Variants in CNTN4 observed in about 807,000 individuals in gnomAD.
CNTN4 encodes the protein contactin-4.
CNTN4 carries 77 observed loss-of-function variants against 122.5 expected under a neutral mutation model. The observed-to-expected ratio is 0.63, with a 90% CI of 0.52 to 0.76. The LOEUF (loss-of-function observed/expected upper bound fraction) is 0.76, where lower values mean the gene tolerates loss of function less well. CNTN4 is among the 30% of genes least tolerant of loss of function. The probability of loss-of-function intolerance (pLI) is 0.00; values close to 1 mark genes in which losing one functional copy is unlikely to be tolerated. For missense variants in CNTN4, 1,256 were observed against 1,259.1 expected (o/e 1.00, Z 0.04); for synonymous variants, 512 against 447.0 (o/e 1.15, Z -1.83).
chr3:3,016,258 G>A (rs955751059), intron 14 of CNTN4, among the ~76,000 whole-genome samples: 1 of 151,938 alleles, frequency 6.6e-6, no homozygotes, highest in African/African-American at 2.4e-5. Context: ...CATTTCTTTT[G>A]AATCGTAAAG....
intron 14 of CNTN4, among the ~76,000 whole-genome samples, chr3:3,021,195 A>T (rs1698260989): frequency 1.3e-5 from 2 of 152,158 alleles, no homozygotes; most frequent in African/African-American, 4.8e-5. Flanking sequence ...AATCACTATG[A>T]ATTTTGATTC....
chr3:2,945,573 A>G (rs1469386865), intron 13 of CNTN4, among the ~76,000 whole-genome samples: 1 of 152,138 alleles, frequency 6.6e-6, no homozygotes, highest in Non-Finnish European at 1.5e-5. Flanking sequence ...CTTTTTGTCA[A>G]AGATTGTCAG....
rs553135401 is a variant in CNTN4, at chr3:2,559,119, A to T, written c.-88-12297A>T. ...TGGATAACCACCCATTGATAAGGAC[A>T]ATAAATAACTTTTTAAAAACTGTCA... is the stretch of plus-strand genomic sequence containing the variant. On this transcript the variant is annotated intron_variant, in intron 3 of 24. Coordinates refer to ENST00000418658, the MANE Select transcript of CNTN4 (RefSeq NM_175607.3). Among the ~76,000 whole-genome samples the T allele has an allele frequency of 2.0e-5, 3 of 152,326 alleles. No individual in the cohort carries two copies. The South Asian group carries it at 6.2e-4, about 32-fold the overall frequency.
chr3:2,102,411 G>C (rs2032052666), intron 2 of CNTN4, among the ~76,000 whole-genome samples: 1 of 152,192 alleles, frequency 6.6e-6, no homozygotes, highest in Admixed American at 6.5e-5. Flanking sequence ...TTAAACATGA[G>C]AGCATGAGTC....
chr3:2,214,004 C>T (rs2149453764), intron 2 of CNTN4, among the ~76,000 whole-genome samples: 1 of 152,230 alleles, frequency 6.6e-6, no homozygotes, highest in East Asian at 1.9e-4. Flanking sequence ...TGCATCATGT[C>T]ATCTAGTGGA....
rs903010363 is a variant in CNTN4 at position 2,332,878 on chromosome 3, TAATAA to T, written c.-144-6291_-144-6287del. 1.7e-3 allele frequency among the ~76,000 whole-genome samples: 253 copies of T among 151,486 alleles called. 1 individual carries two copies. The Middle Eastern group carries it at 0.031, about 18-fold the overall frequency. On this transcript the variant is annotated intron_variant, in intron 2 of 24. Transcript: ENST00000418658. ...ATGTACCCTAAAACTTAAAGTATAATAATAAAATAAAATTAAAAAAAAATAAGACT... is the reference window on the plus strand; with the variant it reads ...ATGTACCCTAAAACTTAAAGTATAATAATAAAATTAAAAAAAAATAAGACT...
intron 3 of CNTN4, among the ~76,000 whole-genome samples, chr3:2,348,095 G>T (rs1286921679): frequency 6.6e-6 from 1 of 152,140 alleles, no homozygotes; most frequent in Non-Finnish European, 1.5e-5. Context: ...CTTTGGGAAT[G>T]TTGTGAACTC....
chr3:2,983,846 A>G (rs575195986), intron 13 of CNTN4, among the ~76,000 whole-genome samples: 2 of 152,194 alleles, frequency 1.3e-5, no homozygotes, highest in African/African-American at 4.8e-5. Flanking sequence ...TTACCCCCAC[A>G]TTTGGATAAT....
intron 12 of CNTN4, among the ~76,000 whole-genome samples, chr3:2,903,991 A>G (rs1243429947): frequency 6.6e-6 from 1 of 152,218 alleles, no homozygotes; most frequent in East Asian, 1.9e-4. Flanking sequence ...AATCGAAAAC[A>G]TAGTTGAGTG....
At chr3:2,282,363 A>G (rs952258062) in intron 2 of CNTN4, among the ~76,000 whole-genome samples, 1 of 149,514 alleles carries the variant, frequency 6.7e-6, no homozygotes, top group Non-Finnish European at 1.5e-5. Flanking sequence ...TTTAATGTAT[A>G]CAGCATGCAT....
chr3:2,579,928 G>C (rs971690448), intron 4 of CNTN4, among the ~76,000 whole-genome samples: 1 of 152,136 alleles, frequency 6.6e-6, no homozygotes, highest in African/African-American at 2.4e-5. Context: ...TTCTTCAGTG[G>C]TTGAAGGTGT....
intron 3 of CNTN4, among the ~76,000 whole-genome samples, chr3:2,434,179 A>T (rs561455063): frequency 2.6e-5 from 4 of 152,360 alleles, no homozygotes; most frequent in East Asian, 3.9e-4. Context: ...AATTAAAAGT[A>T]TGTGAAGTGA....
At chr3:2,126,934 A>G (rs949378186) in intron 2 of CNTN4, among the ~76,000 whole-genome samples, 1 of 152,170 alleles carries the variant, frequency 6.6e-6, no homozygotes, top group African/African-American at 2.4e-5. Flanking sequence ...CCTCACCTAG[A>G]TGGAGGGTGG....
chr3:2,491,434 G>A (rs1575758277), intron 3 of CNTN4, among the ~76,000 whole-genome samples: 1 of 152,238 alleles, frequency 6.6e-6, no homozygotes, highest in African/African-American at 2.4e-5. Flanking sequence ...ATGATAAAAT[G>A]TCAACTGCTA....
chr3:2,166,694 TAGTGTAAGGG>T, intron 2 of CNTN4, among the ~76,000 whole-genome samples: 1 of 152,280 alleles, frequency 6.6e-6, no homozygotes, highest in Admixed American at 6.5e-5. Flanking sequence ...GAATGCTGTG[TAGTGTAAGGG>T]AATCACTGAA....
intron 5 of CNTN4, 109 bp downstream of exon 5, chr3:2,736,450 A>G (rs1327578980): frequency 2.6e-5 from 14 of 545,942 alleles, no homozygotes; most frequent in Non-Finnish European, 3.3e-5. Context: ...TATTTATTTT[A>G]TTTTATTTTA....
At chr3:2,471,070 C>CTATAGGAAT in intron 3 of CNTN4, among the ~76,000 whole-genome samples, 1 of 152,104 alleles carries the variant, frequency 6.6e-6, no homozygotes, top group African/African-American at 2.4e-5. Flanking sequence ...GTAAGAACAC[C>CTATAGGAAT]TATAGGAATT....
intron 2 of CNTN4, among the ~76,000 whole-genome samples, chr3:2,157,994 T>C (rs1574961393): frequency 1.3e-5 from 2 of 152,196 alleles, no homozygotes; most frequent in East Asian, 3.9e-4. Context: ...GAAATTAGAG[T>C]GGAGCCTCAG....
intron 3 of CNTN4, among the ~76,000 whole-genome samples, chr3:2,467,087 A>G (rs1364889038): frequency 1.4e-5 from 2 of 143,934 alleles, no homozygotes; most frequent in Non-Finnish European, 3.0e-5. Flanking sequence ...GTCTTCCAGT[A>G]TCGCTAATAC....
Sources: gnomAD v4.1 joint callset for allele counts (sites outside exome capture counted in the v4.1 genomes callset) on GRCh38, gnomAD v4.1.1 for gene constraint, MANE v1.5 for transcripts, NCBI Gene and HGNC (gene_info 2026-07-23, HGNC 2026-07-21) for gene names.